The following MICAL3 variants were observed in gnomAD, a reference collection of about 807,000 sequenced individuals.
The protein encoded by MICAL3 is [F-actin]-monooxygenase MICAL3.
A neutral mutation model predicts 207.4 loss-of-function variants in MICAL3; 62 were observed. The observed-to-expected ratio is 0.30, with a 90% confidence interval of 0.24 to 0.37. The LOEUF (loss-of-function observed/expected upper bound fraction) is 0.37. MICAL3 is among the 10% of genes least tolerant of loss of function. The probability of loss-of-function intolerance (pLI) is 1.00; values close to 1 mark genes in which losing one functional copy is unlikely to be tolerated. For synonymous variants in MICAL3, 1,077 were observed against 1,069.3 expected (o/e 1.01, Z -0.14); for missense variants, 2,368 against 2,635.6 (o/e 0.90, Z 2.22).
At chr22:17,803,586 A>T (rs1175967995) in intron 29 of MICAL3, 1 of 152,474 alleles carries the variant, frequency 6.6e-6, no homozygotes, top group Non-Finnish European at 1.5e-5. Context: ...AAAAAATTAA[A>T]AACGACCCCA....
At chr22:17,859,365 CG>C (rs1265820785) in intron 19 of MICAL3, among the ~76,000 whole-genome samples, 10 of 152,174 alleles carry the variant, frequency 6.6e-5, no homozygotes. Flanking sequence ...GGTGCAGACT[CG>C]GGGCTGAGTG....
At chr22:17,886,965 G>T (rs1181079637) in intron 15 of MICAL3, among the ~76,000 whole-genome samples, 1 of 110,680 alleles carries the variant, frequency 9.0e-6, no homozygotes, top group Non-Finnish European at 1.7e-5. Context: ...TCCAGCCTGG[G>T]CAATGGAGAA....
Position 17,795,721 on chromosome 22 carries a change from C to T in MICAL3, c.5651-4420G>A, listed in dbSNP as rs548110012. Among the ~76,000 whole-genome samples the T allele has an allele frequency of 5.3e-5, 8 of 152,372 alleles. No individual in the cohort carries two copies. In the South Asian group the frequency reaches 1.4e-3, roughly 28 times the overall value. On this transcript the variant is annotated intron_variant, in intron 29 of 31. Coordinates refer to ENST00000441493, the MANE Select transcript of MICAL3 (RefSeq NM_015241.3). ...CGGCCGGCGAGTCCGAGCTGCGCTG[C>T]GGGGCCGCTACCTTCGGACTTCCCT...
chr22:17,887,594 C>T (rs989813290), intron 13 of MICAL3, among the ~76,000 whole-genome samples, 159 bp from the exon 14 acceptor site: 9 of 152,204 alleles, frequency 5.9e-5, no homozygotes, highest in Admixed American at 3.3e-4. Flanking sequence ...GGAAACGCCA[C>T]GGAGGAAATG....
Position 17,900,208 on chromosome 22 carries a change from C to A in MICAL3, c.847+634G>T, listed in dbSNP as rs750005070. Among the ~76,000 whole-genome samples, 1 of 152,158 alleles carries A rather than the reference C, an allele frequency of 6.6e-6. No individual in the cohort carries two copies. Among genetic ancestry groups the A allele is most frequent in the Admixed American group, 6.6e-5 (1 of 15,266 alleles). Reference sequence around the variant, plus strand: ...CTTCCCAAGCAAACCAGGGAGCCACCGGCCAGCAGCTACACCAAGCAGCAT... The same window carrying A: ...CTTCCCAAGCAAACCAGGGAGCCACAGGCCAGCAGCTACACCAAGCAGCAT... On this transcript the variant is annotated intron_variant, in intron 6 of 31. Coordinates refer to ENST00000441493, the MANE Select transcript of MICAL3 (RefSeq NM_015241.3). The surrounding 1 kb of genome is among the most constrained non-coding windows in gnomAD (Gnocchi z 4.0).
At chr22:17,857,606 C>T (rs1178562669) in intron 19 of MICAL3, among the ~76,000 whole-genome samples, 1 of 152,174 alleles carries the variant, frequency 6.6e-6, no homozygotes, top group African/African-American at 2.4e-5. Flanking sequence ...TGTAGAAGCA[C>T]AAAGAGCTGG....
At chr22:17,965,329 C>T (rs9618176) in intron 1 of MICAL3, among the ~76,000 whole-genome samples, 1 of 152,158 alleles carries the variant, frequency 6.6e-6, no homozygotes, top group Non-Finnish European at 1.5e-5. Context: ...GGAACTGGCA[C>T]AAGGGTGCCT....
At chr22:17,882,454 G>C (rs953315714) in intron 16 of MICAL3, among the ~76,000 whole-genome samples, 44 of 152,310 alleles carry the variant, frequency 2.9e-4, no homozygotes, top group Non-Finnish European at 5.6e-4. Context: ...GGCCAGCCAT[G>C]GGAGGCATCA....
chr22:18,014,526 T>C (rs1477624338), intron 1 of MICAL3, among the ~76,000 whole-genome samples: 1 of 152,142 alleles, frequency 6.6e-6, no homozygotes, highest in Non-Finnish European at 1.5e-5. Context: ...ACATCTACAT[T>C]AGGCACATTT....
At chr22:17,922,693 C>T (rs1176347946) in intron 1 of MICAL3, among the ~76,000 whole-genome samples, 5 of 152,154 alleles carry the variant, frequency 3.3e-5, no homozygotes, top group Admixed American at 3.3e-4. Context: ...CACCAGGGCA[C>T]AGGCTTGGTG....
chr22:17,820,516 G>A (rs1000234873), intron 25 of MICAL3, among the ~76,000 whole-genome samples: 50 of 152,082 alleles, frequency 3.3e-4, no homozygotes, highest in African/African-American at 1.1e-3. Flanking sequence ...CACCACGCCC[G>A]GCTAATTTTT....
chr22:17,866,608 C>CAGAAG (rs1327654068), intron 17 of MICAL3, among the ~76,000 whole-genome samples: 1 of 123,108 alleles, frequency 8.1e-6, no homozygotes, highest in Non-Finnish European at 1.7e-5. Context: ...CAGCATAGAA[C>CAGAAG]AGAACAGAAT....
At chr22:17,910,048 G>T (rs1200359289) in intron 1 of MICAL3, among the ~76,000 whole-genome samples, 1 of 152,132 alleles carries the variant, frequency 6.6e-6, no homozygotes, top group African/African-American at 2.4e-5. Flanking sequence ...CTGATCCACC[G>T]CTACCTCATG....
Position 17,841,562 on chromosome 22 carries a change from C to T in MICAL3, c.2801+260G>A. 1.8e-6 allele frequency: 1 copy of T among 569,434 alleles called. No homozygotes were observed. Among genetic ancestry groups the T allele is most frequent in the Non-Finnish European group, 3.1e-6 (1 of 318,978 alleles). 35.3% of individuals were successfully genotyped at this position (569,434 alleles called of 1,614,324 possible). ...GGGCAGAGCCTGCCACTTTCCTTCC[C>T]AATGACAGACTTGGAGCTGGGGACA... On this transcript the variant is annotated intron_variant, in intron 20 of 31. Coordinates refer to ENST00000441493, the MANE Select transcript of MICAL3 (RefSeq NM_015241.3). The surrounding 1 kb of genome is among the most constrained non-coding windows in gnomAD (Gnocchi z 4.2).
chr22:18,007,051 T>TA (rs75596374), intron 1 of MICAL3: 49,072 of 151,862 alleles, frequency 0.32, 8,313 homozygotes, highest in East Asian at 0.51. Flanking sequence ...AGACAGGGTT[T>TA]CACCATGTTG....
chr22:17,823,119 T>C, intron 22 of MICAL3, 59 bp from the exon 23 acceptor site: 1 of 1,165,504 alleles, frequency 8.6e-7, no homozygotes, highest in African/African-American at 1.5e-5. Context: ...ACAGGCTGCA[T>C]CTTCACGGGG....
intron 1 of MICAL3, among the ~76,000 whole-genome samples, chr22:18,020,960 AT>A (rs1241921749): frequency 1.2e-3 from 176 of 151,182 alleles, no homozygotes; most frequent in Non-Finnish European, 1.9e-3. Context: ...AAATAAATAA[AT>A]AAATAAAATG....
rs11268253 is a variant in MICAL3, at chr22:17,982,679, TCATAA to T, written c.-75+41597_-75+41601del. On this transcript the variant is annotated intron_variant, in intron 1 of 31. Transcript: ENST00000441493. Reference sequence around the variant, plus strand: ...GAGTAAGACTTCATCTCAAAAAAATTCATAACATAACATAACATAACATAACATAA... The same window carrying T: ...GAGTAAGACTTCATCTCAAAAAAATTCATAACATAACATAACATAACATAA... 5.7e-3 allele frequency among the ~76,000 whole-genome samples: 821 copies of T among 143,054 alleles called. 4 individuals carry two copies. Among genetic ancestry groups the T allele is most frequent in the African/African-American group, 0.013 (495 of 36,848 alleles). The allele number at this position is 143,054 out of a possible 152,430, so 93.8% of individuals were successfully genotyped here.
In MICAL3 at chr22:17,791,248, G is replaced by A. The variant is rs1303432944; in HGVS notation, c.5704C>T (p.Gln1902Ter). ...KLMQEWFKLVQEKNAMVRYES... is the reference protein window; with the variant it reads ...KLMQEWFKLV ...TAGCGCACCATGGCGTTCTTCTCCT[G>A]CACTAGCTTGAACCACTCCTGCATC... Residue 1902 changes from glutamine to a stop codon, truncating the protein, a stop_gained, in exon 30 of 32, where the codon CAG becomes TAG. Transcript: ENST00000441493. LOFTEE classifies it high-confidence loss of function. 1 of 1,613,790 alleles carries A rather than the reference G, an allele frequency of 6.2e-7. No individual in the cohort carries two copies. The highest frequency in any genetic ancestry group is 8.5e-7 in the Non-Finnish European group (1 of 1,179,886).
Sources: gnomAD v4.1 joint callset for allele counts (sites outside exome capture counted in the v4.1 genomes callset) on GRCh38, gnomAD v4.1.1 for gene constraint, Gnocchi (gnomAD v3.1) non-coding constraint, MANE v1.5 for transcripts, NCBI Gene and HGNC (gene_info 2026-07-23, HGNC 2026-07-21) for gene names.